The following ZNF704 variants were observed in gnomAD, a reference collection of about 807,000 sequenced individuals.
ZNF704 encodes glucocorticoid induced gene 1.
ZNF704 carries 10 observed loss-of-function variants against 44.7 expected under a neutral mutation model. That is an observed-to-expected ratio of 0.22 (90% CI 0.14 to 0.38). ZNF704 has a LOEUF of 0.38. Among genes scored for constraint, ZNF704 ranks in the 10% least tolerant of loss-of-function variants. The pLI is 1.00. For synonymous variants in ZNF704, 211 were observed against 207.6 expected (o/e 1.02, Z -0.14); for missense variants, 390 against 545.5 (o/e 0.71, Z 2.84).
intron 2 of ZNF704, among the ~76,000 whole-genome samples, chr8:80,797,179 C>A (rs1164357886): frequency 1.3e-5 from 2 of 152,192 alleles, no homozygotes; most frequent in Non-Finnish European, 2.9e-5. Context: ...AGGCCTTGGG[C>A]AGCTCTGCCC....
At chr8:80,758,099 T>G (rs777902664) in intron 2 of ZNF704, among the ~76,000 whole-genome samples, 1 of 152,206 alleles carries the variant, frequency 6.6e-6, no homozygotes, top group African/African-American at 2.4e-5. Flanking sequence ...TTGGAGCAAT[T>G]TGTATCAATA....
chr8:80,702,460 G>A (rs1818825395), intron 2 of ZNF704, among the ~76,000 whole-genome samples: 2 of 152,212 alleles, frequency 1.3e-5, no homozygotes, highest in African/African-American at 2.4e-5. Flanking sequence ...GGCTGTGCCA[G>A]AAGCCTGGGG....
intron 2 of ZNF704, among the ~76,000 whole-genome samples, chr8:80,768,179 GAGTA>G (rs1490111853): frequency 3.3e-5 from 5 of 152,102 alleles, no homozygotes; most frequent in Non-Finnish European, 7.4e-5. Flanking sequence ...AAACAAGCAG[GAGTA>G]AGTGTGATTA....
rs564847113 is a variant in ZNF704, at chr8:80,690,559, T to C, written c.325+2445A>G. Among the ~76,000 whole-genome samples, 6 of 152,288 alleles carry C rather than the reference T, an allele frequency of 3.9e-5. No individual in the cohort carries two copies. In the South Asian group the frequency reaches 1.0e-3, roughly 26 times the overall value. On this transcript the variant is annotated intron_variant, in intron 3 of 8. Transcript: ENST00000327835. ...ACAGGCGTGTTACCATACCTGACTATAGTTTTGCCTTTACTATAATCCTTC... is the reference window on the plus strand; with the variant it reads ...ACAGGCGTGTTACCATACCTGACTACAGTTTTGCCTTTACTATAATCCTTC...
At chr8:80,841,177 T>G (rs946327850) in intron 1 of ZNF704, among the ~76,000 whole-genome samples, 1 of 152,208 alleles carries the variant, frequency 6.6e-6, no homozygotes, top group African/African-American at 2.4e-5. Flanking sequence ...TTGCCAAATC[T>G]CTTCTGCACA....
At chr8:80,683,401 T>A (rs1818484933) in intron 4 of ZNF704, among the ~76,000 whole-genome samples, 1 of 151,996 alleles carries the variant, frequency 6.6e-6, no homozygotes, top group Non-Finnish European at 1.5e-5. Flanking sequence ...CAGCCTGGAG[T>A]TCCTATCTCT....
At chr8:80,681,038 T>C (rs966539999) in intron 4 of ZNF704, among the ~76,000 whole-genome samples, 2 of 152,216 alleles carry the variant, frequency 1.3e-5, no homozygotes, top group Admixed American at 1.3e-4. Context: ...CACTGTTTCT[T>C]GTATCAGTAG....
At chr8:80,717,457 C>T (rs375698121) in intron 2 of ZNF704, among the ~76,000 whole-genome samples, 4 of 152,186 alleles carry the variant, frequency 2.6e-5, no homozygotes, top group African/African-American at 4.8e-5. Flanking sequence ...CTACTTATTC[C>T]GTAACTCAAT....
chr8:80,843,493 C>T lies in ZNF704; in HGVS notation c.-21-21878G>A, dbSNP rs540477621. On this transcript the variant is annotated intron_variant, in intron 1 of 8. Coordinates refer to ENST00000327835, the MANE Select transcript of ZNF704 (RefSeq NM_001033723.3). Reference sequence around the variant, plus strand: ...AACAAGAAGGTAAAATATGCAAAAGCCACAATTTACACTCTAGCTTCAAAA... The same window carrying T: ...AACAAGAAGGTAAAATATGCAAAAGTCACAATTTACACTCTAGCTTCAAAA... Among the ~76,000 whole-genome samples, 116 of 152,288 alleles carry T rather than the reference C, an allele frequency of 7.6e-4. No individual in the cohort carries two copies. The South Asian group carries it at 7.9e-3, about 10-fold the overall frequency.
chr8:80,835,337 G>C (rs567619830), intron 1 of ZNF704, among the ~76,000 whole-genome samples: 9 of 152,290 alleles, frequency 5.9e-5, no homozygotes, highest in Admixed American at 2.0e-4. Flanking sequence ...AATCAATTTA[G>C]AAGTTTATCT....
chr8:80,671,895 AG>A (rs1818287797), intron 4 of ZNF704, among the ~76,000 whole-genome samples: 1 of 152,224 alleles, frequency 6.6e-6, no homozygotes. Context: ...CAAAGGTCTT[AG>A]GGTATAGCAA....
intron 1 of ZNF704, among the ~76,000 whole-genome samples, chr8:80,855,771 A>G (rs148899869): frequency 2.6e-4 from 39 of 152,350 alleles, no homozygotes; most frequent in African/African-American, 7.7e-4. Flanking sequence ...ATACATTTAC[A>G]CAAATAAAAA....
intron 4 of ZNF704, among the ~76,000 whole-genome samples, chr8:80,675,598 T>C (rs938035626): frequency 6.6e-6 from 1 of 151,786 alleles, no homozygotes; most frequent in African/African-American, 2.4e-5. Flanking sequence ...GCAGAGAGGA[T>C]GGAGAAAAAT....
At chr8:80,851,995 C>CT (rs1373724000) in intron 1 of ZNF704, among the ~76,000 whole-genome samples, 1 of 152,118 alleles carries the variant, frequency 6.6e-6, no homozygotes, top group Non-Finnish European at 1.5e-5. Flanking sequence ...GTCTGTGTTC[C>CT]TTTAGCCATA....
chr8:80,719,365 T>C (rs1819125995), intron 2 of ZNF704, among the ~76,000 whole-genome samples: 1 of 152,202 alleles, frequency 6.6e-6, no homozygotes, highest in Non-Finnish European at 1.5e-5. Flanking sequence ...CATCAAAGAC[T>C]ACCTAGTGGG....
chr8:80,804,756 T>C (rs996691318), intron 2 of ZNF704, among the ~76,000 whole-genome samples: 12 of 152,096 alleles, frequency 7.9e-5, no homozygotes, highest in African/African-American at 2.4e-4. Flanking sequence ...GATGGTATGA[T>C]CTGTGCAGCA....
chr8:80,874,261 G>A lies in ZNF704; in HGVS notation c.-22+310C>T, dbSNP rs891930003. On this transcript the variant is annotated intron_variant, in intron 1 of 8. Transcript: ENST00000327835. This position sits in a 1 kb window ranked among gnomAD's most constrained non-coding sequence, Gnocchi z 4.4. ...GGGGACGCCGGCGGCCGGCGGCTACGGCGGGGCGGCGCGGCGGCCGCGGGC... is the reference window on the plus strand; with the variant it reads ...GGGGACGCCGGCGGCCGGCGGCTACAGCGGGGCGGCGCGGCGGCCGCGGGC... 4.1e-5 allele frequency among the ~76,000 whole-genome samples: 6 copies of A among 144,662 alleles called. No individual in the cohort carries two copies. The highest frequency in any genetic ancestry group is 9.9e-5 in the African/African-American group (4 of 40,410). The allele number at this position is 144,662 out of a possible 152,430, so 94.9% of individuals were successfully genotyped here.
intron 3 of ZNF704, among the ~76,000 whole-genome samples, chr8:80,689,218 G>A (rs1201284403): frequency 6.6e-6 from 1 of 152,082 alleles, no homozygotes; most frequent in Non-Finnish European, 1.5e-5. Context: ...ACAAATGGTA[G>A]ATTATCATTC....
At chr8:80,727,616 A>G (rs899779610) in intron 2 of ZNF704, among the ~76,000 whole-genome samples, 3 of 151,984 alleles carry the variant, frequency 2.0e-5, no homozygotes, top group Non-Finnish European at 4.4e-5. Flanking sequence ...GTAACGAGGG[A>G]GAGGCGAGCT....
Sources: allele counts gnomAD v4.1 joint callset (sites outside exome capture counted in the v4.1 genomes callset), GRCh38; gene constraint gnomAD v4.1.1; non-coding constraint Gnocchi (gnomAD v3.1); transcripts MANE v1.5; gene names NCBI Gene and HGNC (gene_info 2026-07-23, HGNC 2026-07-21).